ZDBF2: variants seen among roughly 807,000 people sequenced by gnomAD.
ZDBF2 encodes the protein zinc finger DBF-type containing 2.
In ZDBF2, 6 loss-of-function variants were observed where a neutral mutation model predicts 9.4. The ratio of observed to expected loss-of-function variants is 0.64; its 90% CI spans 0.35 to 1.27. ZDBF2 has a LOEUF of 1.27. Ranked by LOEUF, ZDBF2 falls within the 50% of genes most tolerant of loss-of-function variation. The pLI, the probability that ZDBF2 is intolerant of heterozygous loss-of-function variation, is 0.03. For synonymous variants in ZDBF2, 905 were observed against 946.3 expected (o/e 0.96, Z 0.80); for missense variants, 2,697 against 2,766.8 (o/e 0.97, Z 0.57).
chr2:206,286,267 C>G (rs1452432025), intron 3 of ZDBF2, among the ~76,000 whole-genome samples: 1 of 152,108 alleles, frequency 6.6e-6, no homozygotes, highest in Non-Finnish European at 1.5e-5. Flanking sequence ...GATTTTCTAT[C>G]TAGATGATCT....
chr2:206,313,678 A>G lies in ZDBF2; in HGVS notation c.*2085A>G, dbSNP rs1272123529. 6.6e-6 allele frequency: 1 copy of G among 152,220 alleles called. No individual in the cohort carries two copies. Among genetic ancestry groups the G allele is most frequent in the East Asian group, 1.9e-4 (1 of 5,208 alleles). The allele number at this position is 152,220 out of a possible 1,614,324, so 9.4% of individuals were successfully genotyped here. On this transcript the variant is annotated 3_prime_UTR_variant, in exon 5 of 5. Transcript: ENST00000374423. ...TGATGTGTCATATCGTGATTACATC[A>G]TGCAGAGAGAACAGTTCCTGTAATT...
chr2:206,299,446 T>C (rs568280106), intron 4 of ZDBF2, among the ~76,000 whole-genome samples: 20 of 149,926 alleles, frequency 1.3e-4, no homozygotes, highest in Admixed American at 6.0e-4. Context: ...CAAGGTGGGC[T>C]GATGGCTTGA....
At position 206,311,637 on chromosome 2, in the gene ZDBF2, G is replaced by A. The variant is rs1006320716; in HGVS notation, c.*44G>A. On this transcript the variant is annotated 3_prime_UTR_variant, in exon 5 of 5. Transcript: ENST00000374423. ...GGCTAGTTGAGGATTCAGTACTTCA[G>A]TTGAAATATATTTGGTACTTTGTGC... 7.1e-7 allele frequency: 1 copy of A among 1,411,398 alleles called. No homozygotes were observed. 87.4% of individuals were successfully genotyped at this position (1,411,398 alleles called of 1,614,324 possible).
chr2:206,300,004 G>A (rs1338323149), intron 4 of ZDBF2, among the ~76,000 whole-genome samples: 1 of 152,106 alleles, frequency 6.6e-6, no homozygotes, highest in Non-Finnish European at 1.5e-5. Flanking sequence ...AGCTAGTAGG[G>A]AGGCTGAGGC....
rs773703835 is a variant in ZDBF2 at position 206,305,887 on chromosome 2, T to C, written c.1359T>C (p.Asp453=). 8.1e-6 allele frequency: 13 copies of C among 1,613,354 alleles called. No homozygotes were observed. The Admixed American group carries it at 2.2e-4, about 27-fold the overall frequency. The change falls in exon 5 of 5, where the codon GAT becomes GAC. Residue 453 remains aspartate, a synonymous_variant. Coordinates refer to ENST00000374423, the MANE Select transcript of ZDBF2 (RefSeq NM_020923.3). ...CTTATGTTTCTAAAATAAGTTCTGA[T>C]TGTGATGACATTCTTCACTTGGTTA... The part of the protein sequence containing the change: ...NKSYVSKISS[D]CDDILHLVTN...
intron 1 of ZDBF2, among the ~76,000 whole-genome samples, chr2:206,275,744 G>A (rs1027981110): frequency 3.9e-5 from 6 of 152,112 alleles, no homozygotes; most frequent in African/African-American, 1.4e-4. Flanking sequence ...AGCCTGTAGC[G>A]ATCTCATCCT....
In ZDBF2 at chr2:206,298,973, G is replaced by A. The variant is rs559007790; in HGVS notation, c.188+1600G>A. Among the ~76,000 whole-genome samples, 8 of 150,800 alleles carry A rather than the reference G, an allele frequency of 5.3e-5. 1 individual carries two copies. Among genetic ancestry groups the A allele is most frequent in the African/African-American group, 1.9e-4 (8 of 41,038 alleles). On this transcript the variant is annotated intron_variant, in intron 4 of 4. Transcript: ENST00000374423. ...TTGGCTCACTGCAACCTCCATCTCC[G>A]AGGCTCAAGCAATTCTCCTGCCTCA...
In ZDBF2 at chr2:206,309,201, A is replaced by G. The variant is rs533147162; in HGVS notation, c.4673A>G (p.Lys1558Arg). ...LVTDPPQLTVKDISCINTECI... is the reference protein window; with the variant it reads ...LVTDPPQLTVRDISCINTECI... ...ACTGACCCACCTCAGTTGACTGTCA[A>G]AGATATCAGCTGTATAAATACAGAA... Residue 1558 changes from lysine (K) to arginine (R), a missense_variant, in exon 5 of 5, where the codon AAA (lysine) becomes AGA (arginine). By Grantham distance (26) the Lys-to-Arg change is conservative. Around this residue, in one of 3 missense-constraint regions of ZDBF2, gnomAD observed 1,783 missense variants for 1,776.5 expected, o/e 1.00. Coordinates refer to ENST00000374423, the MANE Select transcript of ZDBF2 (RefSeq NM_020923.3). The G allele has an allele frequency of 6.2e-6, 10 of 1,607,982 alleles. No homozygotes were observed. The highest frequency in any genetic ancestry group is 8.5e-6 in the Non-Finnish European group (10 of 1,176,678).
intron 3 of ZDBF2, among the ~76,000 whole-genome samples, chr2:206,294,356 TTA>T (rs1343025339): frequency 6.6e-6 from 1 of 152,236 alleles, no homozygotes; most frequent in Non-Finnish European, 1.5e-5. Context: ...GTACTTTATG[TTA>T]TACATCAATT....
chr2:206,277,729 CAAA>C (rs5838017), intron 1 of ZDBF2, among the ~76,000 whole-genome samples: 5 of 104,956 alleles, frequency 4.8e-5, no homozygotes, highest in Admixed American at 9.2e-5. Context: ...CTAATCTGTC[CAAA>C]AAAAAAAAAA....
At chr2:206,295,358 C>CTT (rs1692112028) in intron 3 of ZDBF2, among the ~76,000 whole-genome samples, 1 of 133,198 alleles carries the variant, frequency 7.5e-6, no homozygotes, top group African/African-American at 2.8e-5. Flanking sequence ...TTTTTCTTTT[C>CTT]TTTTCTTTTT....
At chr2:206,292,750 C>A (rs1039022349) in intron 3 of ZDBF2, among the ~76,000 whole-genome samples, 6 of 151,862 alleles carry the variant, frequency 4.0e-5, no homozygotes, top group Non-Finnish European at 5.9e-5. Context: ...GATAAAAAAT[C>A]ATTTACAATA....
rs1267265279 is a variant in ZDBF2, at chr2:206,309,132, G to A, written c.4604G>A (p.Ser1535Asn). The change falls in exon 5 of 5, where the codon AGT becomes AAT. Residue 1535 changes from serine (S) to asparagine (N), a missense_variant. This residue lies in a region of ZDBF2 where 1,783 missense variants were observed against 1,776.5 expected (regional missense o/e 1.00). Coordinates refer to ENST00000374423, the MANE Select transcript of ZDBF2 (RefSeq NM_020923.3). ...CTTGTGGATCTGGTGCCCGGTGATA[G>A]TGATTATGAAGTAATTTCAGATGAT... ...VVLVDLVPGD[S>N]DYEVISDDIP... The A allele has an allele frequency of 6.2e-7, 1 of 1,613,520 alleles. No homozygotes were observed. The highest frequency in any genetic ancestry group is 2.2e-5 in the East Asian group (1 of 44,872).
At chr2:206,281,167 CTA>C (rs1691296814) in intron 2 of ZDBF2, among the ~76,000 whole-genome samples, 2 of 152,142 alleles carry the variant, frequency 1.3e-5, no homozygotes, top group Admixed American at 1.3e-4. Flanking sequence ...AACTGGAAAA[CTA>C]TTTATTTGTA....
In ZDBF2 at chr2:206,307,033, T is replaced by C; in HGVS notation, c.2505T>C (p.Ile835=). The C allele has an allele frequency of 6.2e-7, 1 of 1,613,492 alleles. No homozygotes were observed. The highest frequency in any genetic ancestry group is 8.5e-7 in the Non-Finnish European group (1 of 1,179,732). The change falls in exon 5 of 5, where the codon ATT becomes ATC. Residue 835 remains isoleucine, a synonymous_variant. Coordinates refer to ENST00000374423, the MANE Select transcript of ZDBF2 (RefSeq NM_020923.3). ...CTGAAATAACTTTTGATTCTGATAT[T>C]CCTCTTCATTCAGGAAATGATCACC... ...CVSEITFDSD[I]PLHSGNDHPE...
intron 3 of ZDBF2, among the ~76,000 whole-genome samples, chr2:206,292,268 G>A (rs533392153): frequency 6.6e-6 from 1 of 152,272 alleles, no homozygotes; most frequent in African/African-American, 2.4e-5. Flanking sequence ...TTTAGGCGTT[G>A]ACAGTTCAGG....
chr2:206,308,731 G>A lies in ZDBF2; in HGVS notation c.4203G>A (p.Lys1401=). ...AAGACCATATTTACCTGGAAGATAA[G>A]AGCTATAAATTAGGTGATTTTGATG... The part of the protein sequence containing the change: ...WKEDHIYLED[K]SYKLGDFDVS... The change falls in exon 5 of 5, where the codon AAG becomes AAA. Residue 1401 remains lysine (K), a synonymous_variant. Transcript: ENST00000374423. 1 of 1,613,192 alleles carries A rather than the reference G, an allele frequency of 6.2e-7. No individual in the cohort carries two copies. The highest frequency in any genetic ancestry group is 8.5e-7 in the Non-Finnish European group (1 of 1,179,756).
In ZDBF2 at chr2:206,305,548, C is replaced by G. The variant is rs760556688; in HGVS notation, c.1020C>G (p.Thr340=). The change falls in exon 5 of 5, where the codon ACC becomes ACG. Residue 340 remains threonine (T), a synonymous_variant. Transcript: ENST00000374423. The part of the protein sequence containing the change: ...HEEFFSNMDC[T]QEEKHLVFNK... ...AATTCTTTTCTAACATGGATTGTAC[C>G]CAAGAAGAAAAGCATTTGGTTTTTA... 4.6e-5 allele frequency: 74 copies of G among 1,613,406 alleles called. No homozygotes were observed. In the East Asian group the frequency reaches 1.4e-3, roughly 30 times the overall value.
Position 206,310,887 on chromosome 2 carries a change from A to AG in ZDBF2, c.6362dup (p.Thr2122AsnfsTer3). The AG allele has an allele frequency of 1.2e-6, 2 of 1,613,960 alleles. No homozygotes were observed. The highest frequency in any genetic ancestry group is 1.7e-6 in the Non-Finnish European group (2 of 1,179,874). ...GCAAGATATGGATTTAATTCACATC[A>AG]GGGAACCAGTGACTCTTCTCTGTTT... On this transcript the variant is annotated frameshift_variant, in exon 5 of 5. Transcript: ENST00000374423. LOFTEE classifies it low-confidence loss of function (END_TRUNC).
Sources: allele counts gnomAD v4.1 joint callset (sites outside exome capture counted in the v4.1 genomes callset), GRCh38; gene constraint gnomAD v4.1.1; regional missense constraint gnomAD v4.1.1; transcripts MANE v1.5; gene names NCBI Gene and HGNC (gene_info 2026-07-23, HGNC 2026-07-21).